The following FAM53A variants were observed in gnomAD, a reference collection of about 807,000 sequenced individuals.
The protein encoded by FAM53A is protein FAM53A.
FAM53A carries 28 observed loss-of-function variants against 26.6 expected under a neutral mutation model. The ratio of observed to expected loss-of-function variants is 1.05; its 90% CI spans 0.78 to 1.45. FAM53A has a LOEUF of 1.45. FAM53A is among the 40% of genes most tolerant of loss of function. The probability of loss-of-function intolerance (pLI) is 0.00; values close to 1 mark genes in which losing one functional copy is unlikely to be tolerated. For synonymous variants in FAM53A, 290 were observed against 253.1 expected, an observed-to-expected ratio of 1.15 and a Z score of -1.38; for missense variants, 650 against 575.8, an observed-to-expected ratio of 1.13 and a Z score of -1.32.
rs1362453874 is a variant in FAM53A, at chr4:1,649,184, G to GGAAGGT, written c.882+5793_882+5794insACCTTC. Reference sequence around the variant, plus strand: ...GGGAAGGGGAAAGGGAAAGGGAAGGGGAAGGGGAAGGGGAAAGGGAAAGGG... The same window carrying GGAAGGT: ...GGGAAGGGGAAAGGGAAAGGGAAGGGGAAGGTGAAGGGGAAGGGGAAAGGGAAAGGG... On this transcript the variant is annotated intron_variant, in intron 4 of 4. Transcript: ENST00000308132. 8.1e-4 allele frequency among the ~76,000 whole-genome samples: 120 copies of GGAAGGT among 148,100 alleles called. 1 individual carries two copies. Among genetic ancestry groups the GGAAGGT allele is most frequent in the Middle Eastern group, 3.4e-3 (1 of 292 alleles).
chr4:1,613,515 A>G (rs746732684), downstream of FAM53A, among the ~76,000 whole-genome samples: 1 of 152,222 alleles, frequency 6.6e-6, no homozygotes, highest in Non-Finnish European at 1.5e-5. Context: ...CACGCAAAAC[A>G]CTGCAACCCT....
chr4:1,621,873 T>C (rs1320792551), intron 1 of FAM53A, among the ~76,000 whole-genome samples: 1 of 152,086 alleles, frequency 6.6e-6, no homozygotes, highest in African/African-American at 2.4e-5. Flanking sequence ...CCCCCAAGGC[T>C]CATGTGTTGG....
At position 1,673,192 on chromosome 4, in the gene FAM53A, C is replaced by G. The variant is rs1714803412; in HGVS notation, c.-164-4287G>C. Among the ~76,000 whole-genome samples the G allele has an allele frequency of 2.0e-5, 3 of 152,202 alleles. No homozygotes were observed. The South Asian group carries it at 6.2e-4, about 32-fold the overall frequency. ...AGTCAAGAAAGAGCTCGACGAGGCC[C>G]TGCCCAGACTGGAGGGGGTCCCAAT... On this transcript the variant is annotated intron_variant, in intron 1 of 4. Transcript: ENST00000308132.
chr4:1,612,470 C>G, the FAM53A span, among the ~76,000 whole-genome samples: 1 of 152,192 alleles, frequency 6.6e-6, no homozygotes, highest in Non-Finnish European at 1.5e-5. Flanking sequence ...CAGACACACA[C>G]GAAGGCATGC....
chr4:1,599,395 T>A, the FAM53A span, among the ~76,000 whole-genome samples: 1 of 152,204 alleles, frequency 6.6e-6, no homozygotes, highest in Non-Finnish European at 1.5e-5. This position sits in a 1 kb window ranked among gnomAD's most constrained non-coding sequence, Gnocchi z 6.1. Context: ...GCATGGCACC[T>A]GGACCTGAGG....
At chr4:1,668,268 C>A (rs1285341740) in intron 2 of FAM53A, among the ~76,000 whole-genome samples, 1 of 151,930 alleles carries the variant, frequency 6.6e-6, no homozygotes, top group Non-Finnish European at 1.5e-5. Flanking sequence ...GCCTCCCGAG[C>A]AGCTGGGACT....
At position 1,640,414 on chromosome 4, in the gene FAM53A, G is replaced by A; in HGVS notation, c.*879C>T. 3.7e-6 allele frequency: 1 copy of A among 270,984 alleles called. No individual in the cohort carries two copies. 16.8% of individuals were successfully genotyped at this position (270,984 alleles called of 1,614,324 possible). On this transcript the variant is annotated 3_prime_UTR_variant, in exon 5 of 5. Coordinates refer to ENST00000308132, the MANE Select transcript of FAM53A (RefSeq NM_001174070.3). ...GTTTCCTAGCAACTAAAGCACACAA[G>A]GCGCCCTGCACAGCAGGCCTTTCGT...
chr4:1,576,240 G>A, the FAM53A span, among the ~76,000 whole-genome samples: 1 of 152,204 alleles, frequency 6.6e-6, no homozygotes, highest in Admixed American at 6.5e-5. Flanking sequence ...CATCCTCTTT[G>A]TGCCGGGGTA....
downstream of FAM53A, among the ~76,000 whole-genome samples, chr4:1,639,124 T>C (rs558054313): frequency 6.6e-6 from 1 of 152,168 alleles, no homozygotes; most frequent in South Asian, 2.1e-4. Flanking sequence ...ACCACCACCA[T>C]GCCAGCCCCA....
At chr4:1,647,961 GC>G (rs1273394812) in intron 4 of FAM53A, among the ~76,000 whole-genome samples, 4 of 152,252 alleles carry the variant, frequency 2.6e-5, no homozygotes, top group Non-Finnish European at 5.9e-5. Context: ...TGCAATCCCA[GC>G]ACTTTGGGAG....
intron 1 of FAM53A, among the ~76,000 whole-genome samples, chr4:1,620,692 AG>A (rs1320914372): frequency 1.5e-5 from 2 of 135,628 alleles, no homozygotes; most frequent in Admixed American, 7.8e-5. Context: ...AAAGAAAGAA[AG>A]AAAAAACACC....
intron 1 of FAM53A, among the ~76,000 whole-genome samples, chr4:1,632,966 T>C (rs1426756570): frequency 6.6e-6 from 1 of 152,234 alleles, no homozygotes; most frequent in Non-Finnish European, 1.5e-5. Context: ...CATACATGCA[T>C]GTGCACAGGG....
At chr4:1,648,708 A>G (rs1712462367) in intron 4 of FAM53A, among the ~76,000 whole-genome samples, 1 of 152,242 alleles carries the variant, frequency 6.6e-6, no homozygotes, top group Admixed American at 6.5e-5. Context: ...TGGCCCCCAC[A>G]TGAAGCAAAT....
In FAM53A at chr4:1,658,262, T is replaced by C. The variant is rs536906830; in HGVS notation, c.76-794A>G. Among the ~76,000 whole-genome samples the C allele has an allele frequency of 2.0e-5, 3 of 150,258 alleles. No homozygotes were observed. The South Asian group carries it at 6.4e-4, about 32-fold the overall frequency. ...GTCTCGATCTCTTCACCTCGTGATC[T>C]TCCCGCCTCAGCCTCACAAAGTGCT... On this transcript the variant is annotated intron_variant, in intron 2 of 4. Transcript: ENST00000308132.
chr4:1,658,789 A>AGG (rs1006390699), intron 2 of FAM53A, among the ~76,000 whole-genome samples: 2 of 152,196 alleles, frequency 1.3e-5, no homozygotes, highest in Non-Finnish European at 2.9e-5. Context: ...GGGGCACAGG[A>AGG]GGGGGGTCCT....
intron 1 of FAM53A, among the ~76,000 whole-genome samples, chr4:1,628,680 A>G (rs1242183681): frequency 6.0e-5 from 1 of 16,722 alleles, no homozygotes; most frequent in Non-Finnish European, 1.0e-4. Context: ...GTGGCACGGG[A>G]AGAGTGGCAT....
chr4:1,608,993 G>A, the FAM53A span, among the ~76,000 whole-genome samples: 3 of 152,042 alleles, frequency 2.0e-5, no homozygotes, highest in Non-Finnish European at 4.4e-5. Flanking sequence ...CTGCACCACT[G>A]AGCAAATGGG....
chr4:1,679,378 C>A (rs1369763858), intron 1 of FAM53A, among the ~76,000 whole-genome samples: 6 of 114,328 alleles, frequency 5.2e-5, no homozygotes, highest in Non-Finnish European at 1.0e-4. Flanking sequence ...AGGGTGAGAC[C>A]ATGTCTCCAA....
rs1009298110 is a variant in FAM53A, at chr4:1,656,549, T to G, written c.137-826A>C. ...GGTGTAGGCAGGGAGAGCGGCCGGC[T>G]GGGTGAGGAGTGTAGGAAGCGCTGC... On this transcript the variant is annotated intron_variant, in intron 3 of 4. Coordinates refer to ENST00000308132, the MANE Select transcript of FAM53A (RefSeq NM_001174070.3). Among the ~76,000 whole-genome samples the G allele has an allele frequency of 4.6e-4, 70 of 151,852 alleles. 1 individual carries two copies. Among genetic ancestry groups the G allele is most frequent in the African/African-American group, 1.6e-3 (66 of 41,406 alleles).
Sources: gnomAD v4.1 joint callset for allele counts (sites outside exome capture counted in the v4.1 genomes callset) on GRCh38, gnomAD v4.1.1 for gene constraint, Gnocchi (gnomAD v3.1) non-coding constraint, MANE v1.5 for transcripts, NCBI Gene and HGNC (gene_info 2026-07-23, HGNC 2026-07-21) for gene names.